MTCL1: variants seen among roughly 807,000 people sequenced by gnomAD.
The protein encoded by MTCL1 is microtubule cross-linking factor 1.
Under a neutral mutation model 141.4 loss-of-function variants are expected in MTCL1, and 79 were observed. That is an observed-to-expected ratio of 0.56 (90% CI 0.47 to 0.67). The LOEUF (loss-of-function observed/expected upper bound fraction) is 0.67. Ranked by LOEUF, MTCL1 falls within the 30% of genes least tolerant of loss-of-function variation. The pLI is 0.00. For missense variants in MTCL1, 2,177 were observed against 2,113.9 expected (o/e 1.03, Z -0.59); for synonymous variants, 914 against 875.8 (o/e 1.04, Z -0.77).
upstream of MTCL1, among the ~76,000 whole-genome samples, chr18:8,714,277 T>C (rs1390763597): frequency 6.6e-6 from 1 of 152,202 alleles, no homozygotes; most frequent in Non-Finnish European, 1.5e-5. Context: ...TGTTTTTTTG[T>C]CTATCAACTG....
chr18:8,718,651 G>C lies in MTCL1; in HGVS notation c.198+3G>C. 1 of 1,612,426 alleles carries C rather than the reference G, an allele frequency of 6.2e-7. No homozygotes were observed. Among genetic ancestry groups the C allele is most frequent in the Non-Finnish European group, 8.5e-7 (1 of 1,179,914 alleles). On this transcript the variant is annotated splice_donor_region_variant and intron_variant, in intron 3 of 16. Transcript: ENST00000359865. ...GAAGCCTGGAGCAGGACTTGAAGGT[G>C]AGTGAGGGGGTGGTGCGTGCACCTC...
upstream of MTCL1, among the ~76,000 whole-genome samples, chr18:8,715,099 A>G (rs1030816608): frequency 6.6e-6 from 1 of 152,122 alleles, no homozygotes; most frequent in African/African-American, 2.4e-5. Context: ...CCCGGCCCCT[A>G]ATTTTATTTG....
chr18:8,712,823 G>A (rs2148771708), upstream of MTCL1, among the ~76,000 whole-genome samples: 4 of 152,278 alleles, frequency 2.6e-5, no homozygotes, highest in South Asian at 8.3e-4. Flanking sequence ...AGTAGTTTCT[G>A]TCTGCCCAGA....
At chr18:8,749,733 C>G (rs2096360796) in intron 4 of MTCL1, among the ~76,000 whole-genome samples, 1 of 152,176 alleles carries the variant, frequency 6.6e-6, no homozygotes, top group Admixed American at 6.5e-5. Context: ...CCCCAGCGAA[C>G]AGGGCTTAGG....
At chr18:8,801,375 G>T (rs192279246) in intron 10 of MTCL1, among the ~76,000 whole-genome samples, 7 of 144,928 alleles carry the variant, frequency 4.8e-5, no homozygotes, top group Admixed American at 4.2e-4. Context: ...TTTCAATTTT[G>T]TACGTCATAC....
exon 1 of MTCL1, chr18:8,706,040 T>G: frequency 8.5e-7 from 1 of 1,181,328 alleles, no homozygotes; most frequent in Non-Finnish European, 1.0e-6. Context: ...AAGGCTGCCC[T>G]GGGAAGCAGG....
chr18:8,718,034 G>A (rs185881382), intron 2 of MTCL1: 19 of 951,950 alleles, frequency 2.0e-5, no homozygotes, highest in South Asian at 1.2e-4. Context: ...GGCAGGGTCC[G>A]TATGATTCAT....
chr18:8,770,240 C>G (rs1184922859), intron 4 of MTCL1, among the ~76,000 whole-genome samples: 2 of 152,324 alleles, frequency 1.3e-5, no homozygotes, highest in African/African-American at 4.8e-5. Flanking sequence ...TTTTAGTTTT[C>G]TTGTCTGTTA....
At chr18:8,750,755 A>G (rs2096366628) in intron 4 of MTCL1, among the ~76,000 whole-genome samples, 3 of 152,204 alleles carry the variant, frequency 2.0e-5, no homozygotes, top group African/African-American at 2.4e-5. Context: ...TTGCAGTTAT[A>G]ATCAGATTAT....
intron 3 of MTCL1, chr18:8,720,094 G>T (rs1967317): frequency 0.25 from 110,548 of 434,378 alleles, 15,806 homozygotes; most frequent in Admixed American, 0.4. Flanking sequence ...TGACACTAAG[G>T]TTAGCACGTT....
At chr18:8,724,798 T>G (rs2096197049) in intron 4 of MTCL1, among the ~76,000 whole-genome samples, 1 of 152,096 alleles carries the variant, frequency 6.6e-6, no homozygotes, top group South Asian at 2.1e-4. Context: ...GAGGTGTATC[T>G]TTTAAAAGTT....
At chr18:8,746,299 A>G (rs2096337552) in intron 4 of MTCL1, among the ~76,000 whole-genome samples, 1 of 152,202 alleles carries the variant, frequency 6.6e-6, no homozygotes, top group African/African-American at 2.4e-5. Flanking sequence ...TGAATTTTTT[A>G]AGGAACCGCC....
intron 7 of MTCL1, among the ~76,000 whole-genome samples, chr18:8,791,212 T>C (rs553866138): frequency 2.5e-4 from 38 of 152,242 alleles, no homozygotes; most frequent in African/African-American, 8.7e-4. Flanking sequence ...ATCTGCCTGC[T>C]GGCCCCAGGG....
At chr18:8,710,021 G>A (rs938364373) in intron 1 of MTCL1, among the ~76,000 whole-genome samples, 9 of 152,058 alleles carry the variant, frequency 5.9e-5, no homozygotes, top group African/African-American at 1.9e-4. Flanking sequence ...TGAATTTTTA[G>A]TAGAGACAGG....
chr18:8,803,235 G>A (rs758010207), intron 10 of MTCL1, among the ~76,000 whole-genome samples: 12 of 151,954 alleles, frequency 7.9e-5, no homozygotes, highest in African/African-American at 2.7e-4. Flanking sequence ...TTCCTGGCTC[G>A]GTTTGTTGGC....
Position 8,813,048 on chromosome 18 carries a change from A to C in MTCL1, c.2674A>C (p.Lys892Gln), listed in dbSNP as rs11874468. 8.1e-3 allele frequency: 13,043 copies of C among 1,614,156 alleles called. 550 individuals carry two copies. The Admixed American group carries it at 0.11, about 13-fold the overall frequency. The stretch of plus-strand genomic sequence containing the variant: ...CGCTGAGAGCAAGGGGGCCTTGAAG[A>C]AGGAGAGAGAGGTGCACCAGAAGCT... Residue 892 changes from lysine (K) to glutamine (Q), a missense_variant, in exon 12 of 17, where the codon AAG becomes CAG. Coordinates refer to ENST00000359865, the Ensembl canonical transcript of MTCL1.
intron 4 of MTCL1, among the ~76,000 whole-genome samples, chr18:8,746,410 C>T (rs16954061): frequency 0.042 from 6,329 of 152,170 alleles, 201 homozygotes; most frequent in African/African-American, 0.09. Flanking sequence ...ATTTTTTGTT[C>T]GGTTGTGAGG....
chr18:8,790,508 G>A (rs554919048), intron 7 of MTCL1, among the ~76,000 whole-genome samples: 122 of 152,326 alleles, frequency 8.0e-4, no homozygotes, highest in African/African-American at 2.8e-3. Flanking sequence ...AGTCCTGCAC[G>A]GAACACCTGA....
chr18:8,769,521 C>A (rs896790107), intron 4 of MTCL1, among the ~76,000 whole-genome samples: 4 of 152,202 alleles, frequency 2.6e-5, no homozygotes, highest in Non-Finnish European at 5.9e-5. Context: ...CTTCAAGGTA[C>A]ATATCACAAA....
Sources: allele counts gnomAD v4.1 joint callset (sites outside exome capture counted in the v4.1 genomes callset), GRCh38; gene constraint gnomAD v4.1.1; transcripts MANE v1.5; gene names NCBI Gene and HGNC (gene_info 2026-07-23, HGNC 2026-07-21).